CYP2C19: variants seen among roughly 807,000 people sequenced by gnomAD.
CYP2C19 encodes cytochrome P450 2C19.
A neutral mutation model predicts 40.9 loss-of-function variants in CYP2C19; 59 were observed. The ratio of observed to expected loss-of-function variants is 1.44; its 90% CI spans 1.17 to 1.79. CYP2C19 has a LOEUF of 1.79. Ranked by LOEUF, CYP2C19 falls within the 40% of genes most tolerant of loss-of-function variation. The probability of loss-of-function intolerance (pLI) is 0.00; values close to 1 mark genes in which losing one functional copy is unlikely to be tolerated. For synonymous variants in CYP2C19, 253 were observed against 208.7 expected, an observed-to-expected ratio of 1.21 and a Z score of -1.83; for missense variants, 754 against 596.9, an observed-to-expected ratio of 1.26 and a Z score of -2.74.
At position 94,805,113 on chromosome 10, in the gene CYP2C19, C is replaced by T. The variant is rs186480221; in HGVS notation, c.820-15383C>T. Among the ~76,000 whole-genome samples, 475 of 152,088 alleles carry T rather than the reference C, an allele frequency of 3.1e-3. 3 individuals carry two copies. Among genetic ancestry groups the T allele is most frequent in the African/African-American group, 0.011 (452 of 41,512 alleles). ...TATATTTAATAGTAGTAAAAGTGGA[C>T]ATCCTTGTTTTTTTTCTTTTCTTTC... On this transcript the variant is annotated intron_variant, in intron 5 of 8. Transcript: ENST00000371321.
At chr10:94,811,599 C>T (rs1458156601) in intron 5 of CYP2C19, among the ~76,000 whole-genome samples, 1 of 152,024 alleles carries the variant, frequency 6.6e-6, no homozygotes, top group Non-Finnish European at 1.5e-5. Context: ...GGATAGTTAG[C>T]TCTTCTCGTT....
intron 5 of CYP2C19, among the ~76,000 whole-genome samples, chr10:94,816,196 G>C (rs1245459814): frequency 2.0e-5 from 3 of 151,484 alleles, no homozygotes; most frequent in Non-Finnish European, 4.4e-5. Context: ...ATAAAGTTTG[G>C]GCCAGTTGGT....
chr10:94,785,763 C>A (rs1187792280), intron 5 of CYP2C19, among the ~76,000 whole-genome samples: 1 of 152,014 alleles, frequency 6.6e-6, no homozygotes, highest in Non-Finnish European at 1.5e-5. Flanking sequence ...GGAAGCCTGC[C>A]CGGTGAATGC....
chr10:94,779,561 C>CTTTTCTTTTCTTTTT (rs1382168833), intron 3 of CYP2C19, among the ~76,000 whole-genome samples: 1 of 147,092 alleles, frequency 6.8e-6, no homozygotes, highest in East Asian at 2.0e-4. Flanking sequence ...TTTTTCTTTT[C>CTTTTCTTTTCTTTTT]TTTTCTTTTT....
chr10:94,788,720 T>C (rs1848572578), intron 5 of CYP2C19, among the ~76,000 whole-genome samples: 1 of 152,188 alleles, frequency 6.6e-6, no homozygotes, highest in African/African-American at 2.4e-5. Flanking sequence ...GATGTACATG[T>C]GCCATATTTT....
intron 5 of CYP2C19, among the ~76,000 whole-genome samples, chr10:94,793,949 C>T (rs1388953865): frequency 6.6e-6 from 1 of 152,154 alleles, no homozygotes; most frequent in Non-Finnish European, 1.5e-5. Context: ...CTATGCCCTG[C>T]CCCCAAAGGT....
Position 94,779,060 on chromosome 10 carries a change from A to C in CYP2C19, c.482-1439A>C, listed in dbSNP as rs112885210. Among the ~76,000 whole-genome samples, 474 of 152,186 alleles carry C rather than the reference A, an allele frequency of 3.1e-3. 3 individuals are homozygous for C. Among genetic ancestry groups the C allele is most frequent in the African/African-American group, 0.011 (451 of 41,554 alleles). ...TTCTCACTTATAAGTGGGAGTTGAA[A>C]AATGAGAACACATGGACACAGGAAG... On this transcript the variant is annotated intron_variant, in intron 3 of 8. Coordinates refer to ENST00000371321, the MANE Select transcript of CYP2C19 (RefSeq NM_000769.4).
At chr10:94,849,132 G>C (rs1180490282) in intron 7 of CYP2C19, among the ~76,000 whole-genome samples, 1 of 152,124 alleles carries the variant, frequency 6.6e-6, no homozygotes. Flanking sequence ...GGAGTGGTGA[G>C]AGAGAACATC....
chr10:94,780,617 A>G lies in CYP2C19; in HGVS notation c.600A>G (p.Lys200=). 6.2e-7 allele frequency: 1 copy of G among 1,613,850 alleles called. No individual in the cohort carries two copies. Among genetic ancestry groups the G allele is most frequent in the South Asian group, 1.1e-5 (1 of 91,074 alleles). Residue 200 remains lysine (K), a synonymous_variant, in exon 4 of 9, where the codon AAA becomes AAG. Coordinates refer to ENST00000371321, the MANE Select transcript of CYP2C19 (RefSeq NM_000769.4). ...AGCAATTTCTTAACTTGATGGAAAA[A>G]TTGAATGAAAACATCAGGATTGTAA... The part of the protein sequence containing the change: ...KDQQFLNLME[K]LNENIRIVST...
chr10:94,845,387 A>G (rs891468778), intron 7 of CYP2C19, among the ~76,000 whole-genome samples: 5 of 152,202 alleles, frequency 3.3e-5, no homozygotes, highest in African/African-American at 1.2e-4. Context: ...CATTTGTTCA[A>G]TGTAAATACT....
rs1176662130 is a variant in CYP2C19 at position 94,830,057 on chromosome 10, A to G, written c.961+9420A>G. 5.9e-5 allele frequency among the ~76,000 whole-genome samples: 9 copies of G among 152,134 alleles called. No homozygotes were observed. In the South Asian group the frequency reaches 6.2e-4, roughly 11 times the overall value. On this transcript the variant is annotated intron_variant, in intron 6 of 8. Transcript: ENST00000371321. ...GCTGGGAGAACCACTGCTCTCTTCA[A>G]AGCTGTCAGACAGGGACATTTAAGT...
chr10:94,789,803 C>A (rs1589353273), intron 5 of CYP2C19, among the ~76,000 whole-genome samples: 1 of 151,998 alleles, frequency 6.6e-6, no homozygotes, highest in Non-Finnish European at 1.5e-5. Context: ...GTTCTTTTTG[C>A]TGAGGATTGT....
intron 5 of CYP2C19, among the ~76,000 whole-genome samples, chr10:94,790,572 C>T (rs768521255): frequency 2.0e-5 from 3 of 152,128 alleles, no homozygotes; most frequent in Admixed American, 6.5e-5. Flanking sequence ...TGAATTTTGT[C>T]GAAGGCCTTT....
At chr10:94,828,122 G>T (rs1366211294) in intron 6 of CYP2C19, among the ~76,000 whole-genome samples, 2 of 152,108 alleles carry the variant, frequency 1.3e-5, no homozygotes, top group Non-Finnish European at 1.5e-5. Context: ...GTGTGGTGCT[G>T]AAAAAATGTA....
At chr10:94,805,711 C>T (rs572625013) in intron 5 of CYP2C19, among the ~76,000 whole-genome samples, 30 of 152,274 alleles carry the variant, frequency 2.0e-4, no homozygotes, top group African/African-American at 7.0e-4. Context: ...TGGTGAAACC[C>T]TGTCTCTACC....
intron 1 of CYP2C19, among the ~76,000 whole-genome samples, chr10:94,771,153 G>A (rs1848324645): frequency 6.6e-6 from 1 of 152,044 alleles, no homozygotes; most frequent in African/African-American, 2.4e-5. Flanking sequence ...GGGAGAAGCG[G>A]CCATGTACCC....
intron 6 of CYP2C19, among the ~76,000 whole-genome samples, chr10:94,824,373 A>G (rs1849177814): frequency 6.6e-6 from 1 of 152,178 alleles, no homozygotes; most frequent in African/African-American, 2.4e-5. Context: ...AAGAAATAGA[A>G]ACAAGGTCTT....
chr10:94,764,526 T>TC (rs959922836), intron 1 of CYP2C19, among the ~76,000 whole-genome samples: 1 of 151,792 alleles, frequency 6.6e-6, no homozygotes, highest in African/African-American at 2.4e-5. Flanking sequence ...CACCTCTCAA[T>TC]CCCCCCTTTA....
At chr10:94,817,429 T>C (rs2134265231) in intron 5 of CYP2C19, among the ~76,000 whole-genome samples, 1 of 143,210 alleles carries the variant, frequency 7.0e-6, no homozygotes, top group South Asian at 2.4e-4. Context: ...TGGGGTTGTT[T>C]GTTTTTTTCT....
Sources: allele counts gnomAD v4.1 joint callset (sites outside exome capture counted in the v4.1 genomes callset), GRCh38; gene constraint gnomAD v4.1.1; transcripts MANE v1.5; gene names NCBI Gene and HGNC (gene_info 2026-07-23, HGNC 2026-07-21).